The following SERGEF variants were observed in gnomAD, a reference collection of about 807,000 sequenced individuals.
The protein encoded by SERGEF is secretion regulating guanine nucleotide exchange factor.
Under a neutral mutation model 50.0 loss-of-function variants are expected in SERGEF, and 51 were observed. The observed-to-expected ratio is 1.02, with a 90% CI of 0.81 to 1.29. SERGEF has a LOEUF of 1.29. Among genes scored for constraint, SERGEF ranks in the 50% most tolerant of loss-of-function variants. The pLI is 0.00. For missense variants in SERGEF, 521 were observed against 557.0 expected, an observed-to-expected ratio of 0.94 and a Z score of 0.65; for synonymous variants, 205 against 212.4, an observed-to-expected ratio of 0.97 and a Z score of 0.30.
chr11:17,892,650 T>C (rs535274995), intron 9 of SERGEF, among the ~76,000 whole-genome samples: 2 of 152,286 alleles, frequency 1.3e-5, no homozygotes, highest in East Asian at 1.9e-4. Flanking sequence ...ACTTAAAACA[T>C]CCACTAACAT....
At chr11:17,942,542 A>G (rs1679100790) in intron 9 of SERGEF, among the ~76,000 whole-genome samples, 1 of 152,204 alleles carries the variant, frequency 6.6e-6, no homozygotes, top group African/African-American at 2.4e-5. Flanking sequence ...CAACAATCAT[A>G]TCATCTGTGA....
At chr11:17,850,018 C>G (rs1407873110) in intron 10 of SERGEF, among the ~76,000 whole-genome samples, 1 of 152,098 alleles carries the variant, frequency 6.6e-6, no homozygotes, top group African/African-American at 2.4e-5. Context: ...GCTCACAGTT[C>G]TGGAGGCTGG....
chr11:17,844,803 C>G (rs966299069), intron 10 of SERGEF, among the ~76,000 whole-genome samples: 12 of 152,006 alleles, frequency 7.9e-5, no homozygotes, highest in African/African-American at 2.4e-4. Context: ...TAGAGAGGCT[C>G]TACGCCAGAG....
intron 10 of SERGEF, among the ~76,000 whole-genome samples, chr11:17,858,386 G>A (rs548702611): frequency 6.6e-6 from 1 of 152,216 alleles, no homozygotes; most frequent in South Asian, 2.1e-4. Context: ...AAAGGATGAT[G>A]GGACTCCCCC....
At chr11:17,936,727 C>T (rs1291909058) in intron 9 of SERGEF, among the ~76,000 whole-genome samples, 1 of 152,068 alleles carries the variant, frequency 6.6e-6, no homozygotes, top group Non-Finnish European at 1.5e-5. Flanking sequence ...GTTAAGGATG[C>T]CAAGAGTACA....
At chr11:17,911,357 T>A (rs1022236542) in intron 9 of SERGEF, among the ~76,000 whole-genome samples, 8 of 146,784 alleles carry the variant, frequency 5.5e-5, no homozygotes, top group South Asian at 2.1e-4. Context: ...ATATATATAT[T>A]TTATATATTA....
chr11:17,799,628 G>C (rs1001148954), intron 10 of SERGEF, among the ~76,000 whole-genome samples: 3 of 152,190 alleles, frequency 2.0e-5, no homozygotes, highest in Admixed American at 1.3e-4. Flanking sequence ...GAGGAAGCTA[G>C]GGAATTGGGG....
chr11:17,969,455 C>A (rs1357850827), intron 8 of SERGEF, among the ~76,000 whole-genome samples: 1 of 152,124 alleles, frequency 6.6e-6, no homozygotes, highest in African/African-American at 2.4e-5. Context: ...GGAAACTATA[C>A]CCCAGGGCTT....
chr11:17,841,886 C>T (rs1228276406), intron 10 of SERGEF, among the ~76,000 whole-genome samples: 2 of 152,198 alleles, frequency 1.3e-5, no homozygotes, highest in African/African-American at 4.8e-5. Flanking sequence ...TCTCTCCACC[C>T]TACCCACTCC....
At chr11:18,004,353 G>T in intron 4 of SERGEF, 88 bp downstream of exon 4, 1 of 944,208 alleles carries the variant, frequency 1.1e-6, no homozygotes. Flanking sequence ...CAGGGATCCT[G>T]ACAGCCTTTT....
At chr11:17,814,933 T>C (rs1409728766) in intron 10 of SERGEF, among the ~76,000 whole-genome samples, 2 of 152,180 alleles carry the variant, frequency 1.3e-5, no homozygotes, top group African/African-American at 4.8e-5. Context: ...ATAATCCTAG[T>C]GCTTTGGGAG....
intron 10 of SERGEF, among the ~76,000 whole-genome samples, chr11:17,828,754 G>A (rs1850245744): frequency 6.6e-6 from 1 of 152,142 alleles, no homozygotes; most frequent in African/African-American, 2.4e-5. Flanking sequence ...GAAAAGAAAT[G>A]TCCAACATCT....
intron 10 of SERGEF, among the ~76,000 whole-genome samples, chr11:17,840,711 AC>A (rs1850485619): frequency 6.6e-6 from 1 of 151,962 alleles, no homozygotes; most frequent in African/African-American, 2.4e-5. Context: ...TGACAAGCCA[AC>A]CCCCTGAACT....
At chr11:17,992,728 C>T (rs767109109) in intron 7 of SERGEF, among the ~76,000 whole-genome samples, 12 of 152,144 alleles carry the variant, frequency 7.9e-5, no homozygotes, top group East Asian at 1.9e-4. Context: ...ATTTAATTCT[C>T]GTAACTGCCC....
intron 10 of SERGEF, among the ~76,000 whole-genome samples, chr11:17,835,096 T>C (rs1255047463): frequency 6.6e-6 from 1 of 152,226 alleles, no homozygotes; most frequent in African/African-American, 2.4e-5. Context: ...ATATTATTAA[T>C]AGTTTCCAGT....
At chr11:17,885,949 C>A (rs1851420937) in intron 9 of SERGEF, among the ~76,000 whole-genome samples, 1 of 152,168 alleles carries the variant, frequency 6.6e-6, no homozygotes, top group African/African-American at 2.4e-5. Context: ...TTGCTTTTAT[C>A]AAATCTCCTT....
At chr11:17,929,011 CTCAA>C (rs1852301756) in intron 9 of SERGEF, among the ~76,000 whole-genome samples, 1 of 152,138 alleles carries the variant, frequency 6.6e-6, no homozygotes, top group Non-Finnish European at 1.5e-5. Context: ...TTTGTTGAAA[CTCAA>C]TCTATAGAAT....
intron 8 of SERGEF, among the ~76,000 whole-genome samples, chr11:17,967,421 TG>T (rs1345838132): frequency 6.6e-6 from 1 of 152,204 alleles, no homozygotes; most frequent in Non-Finnish European, 1.5e-5. Flanking sequence ...GCCCAGCTGA[TG>T]AGTGAGTGAG....
chr11:17,965,877 T>C (rs1853111061), intron 8 of SERGEF, among the ~76,000 whole-genome samples: 1 of 152,254 alleles, frequency 6.6e-6, no homozygotes, highest in Non-Finnish European at 1.5e-5. Flanking sequence ...AAGTCTTATC[T>C]GCAGAATGAA....
Sources: allele counts gnomAD v4.1 joint callset (sites outside exome capture counted in the v4.1 genomes callset), GRCh38; gene constraint gnomAD v4.1.1; transcripts MANE v1.5; gene names NCBI Gene and HGNC (gene_info 2026-07-23, HGNC 2026-07-21).